KIAA0825: variants seen among roughly 807,000 people sequenced by gnomAD.
The protein encoded by KIAA0825 is uncharacterized protein KIAA0825.
A neutral mutation model predicts 147.6 loss-of-function variants in KIAA0825; 119 were observed. The ratio of observed to expected loss-of-function variants is 0.81; its 90% CI spans 0.69 to 0.94. The LOEUF is 0.94. KIAA0825 is among the 40% of genes least tolerant of loss of function. The pLI is 0.00. For missense variants in KIAA0825, 1,381 were observed against 1,472.7 expected, an observed-to-expected ratio of 0.94 and a Z score of 1.02; for synonymous variants, 470 against 518.1, an observed-to-expected ratio of 0.91 and a Z score of 1.26.
rs1275381177 is a variant in KIAA0825 at position 94,386,316 on chromosome 5, A to G, written c.3545T>C (p.Ile1182Thr). The G allele has an allele frequency of 2.6e-6, 4 of 1,551,566 alleles. No homozygotes were observed. The highest frequency in any genetic ancestry group is 3.5e-6 in the Non-Finnish European group (4 of 1,146,838). ...GTTAAAGGCAGAAGGCTGATCTTCT[A>G]TACTCCTCAAGGTCGTCTTTAAAGG... ...IRPLKTTLRS[I>T]EDQPSAFNPF... Residue 1182 changes from isoleucine to threonine, a missense_variant, in exon 19 of 21, where the codon ATA becomes ACA. Physicochemically the swap from Ile to Thr is moderately conservative, Grantham distance 89. Coordinates refer to ENST00000682413, the MANE Select transcript of KIAA0825 (RefSeq NM_001145678.3).
intron 14 of KIAA0825, among the ~76,000 whole-genome samples, chr5:94,424,810 C>A (rs936367911): frequency 1.3e-5 from 2 of 152,082 alleles, no homozygotes; most frequent in Non-Finnish European, 1.5e-5. Flanking sequence ...GAAGACATTA[C>A]AACTGAGACC....
intron 20 of KIAA0825, among the ~76,000 whole-genome samples, chr5:94,282,229 A>G (rs1777499058): frequency 6.6e-6 from 1 of 152,166 alleles, no homozygotes; most frequent in Non-Finnish European, 1.5e-5. Context: ...TCAACAGGCA[A>G]TGCCTAAGAC....
chr5:94,306,222 T>C (rs1778724141), intron 20 of KIAA0825, among the ~76,000 whole-genome samples: 1 of 151,900 alleles, frequency 6.6e-6, no homozygotes, highest in South Asian at 2.1e-4. Context: ...TCAGAGTTTA[T>C]TTTCTAGAAA....
At chr5:94,266,548 T>G (rs1776745590) in intron 20 of KIAA0825, among the ~76,000 whole-genome samples, 2 of 152,176 alleles carry the variant, frequency 1.3e-5, no homozygotes. Flanking sequence ...AAATATTCCT[T>G]TTTTATCCAA....
rs76586368 is a variant in KIAA0825 at position 94,381,957 on chromosome 5, AT to A, written c.3710+2410del. 2.8e-3 allele frequency among the ~76,000 whole-genome samples: 431 copies of A among 152,190 alleles called. 13 individuals are homozygous for A. The East Asian group carries it at 0.053, about 19-fold the overall frequency. ...AAAGGATTCTTTTCCCTTATCTTCA[AT>A]TTTTTTCATACTTGTATATTTCAGT... On this transcript the variant is annotated intron_variant, in intron 20 of 20. Transcript: ENST00000682413.
chr5:94,538,791 A>T (rs1310123521), intron 2 of KIAA0825, among the ~76,000 whole-genome samples: 3 of 152,216 alleles, frequency 2.0e-5, no homozygotes, highest in Non-Finnish European at 4.4e-5. Flanking sequence ...GTTGATTCAG[A>T]CGCTACATGA....
At chr5:94,531,556 A>G (rs1329881009) in intron 3 of KIAA0825, among the ~76,000 whole-genome samples, 1 of 152,218 alleles carries the variant, frequency 6.6e-6, no homozygotes, top group East Asian at 1.9e-4. Context: ...CCCAGGATGC[A>G]TTCTTAATTC....
At chr5:94,163,798 C>T (rs935927765) in intron 20 of KIAA0825, among the ~76,000 whole-genome samples, 3 of 151,930 alleles carry the variant, frequency 2.0e-5, no homozygotes, top group African/African-American at 2.4e-5. Flanking sequence ...CAGATTATAC[C>T]ATTTCTTAAA....
Position 94,537,014 on chromosome 5 carries a change from A to G in KIAA0825, c.113T>C (p.Ile38Thr), listed in dbSNP as rs766258085. ...EQIFSDIDEKIEQNAASIKHC... is the reference protein window; with the variant it reads ...EQIFSDIDEKTEQNAASIKHC... ...TATTTACCTTGCAGCATTTTGTTCA[A>G]TCTTTTCATCAATGTCACTGAAGAT... Residue 38 changes from isoleucine (I) to threonine (T), a missense_variant, in exon 3 of 21, where the codon ATT (isoleucine) becomes ACT (threonine). Ile to Thr is a moderately conservative substitution (Grantham distance 89). Transcript: ENST00000682413. 6.2e-7 allele frequency: 1 copy of G among 1,603,762 alleles called. No individual in the cohort carries two copies. Among genetic ancestry groups the G allele is most frequent in the Non-Finnish European group, 8.5e-7 (1 of 1,174,264 alleles).
At chr5:94,260,376 CA>C (rs1776433781) in intron 20 of KIAA0825, among the ~76,000 whole-genome samples, 1 of 151,888 alleles carries the variant, frequency 6.6e-6, no homozygotes, top group Non-Finnish European at 1.5e-5. Context: ...GATTGCAGTG[CA>C]AAAAGGAGAA....
intron 20 of KIAA0825, among the ~76,000 whole-genome samples, chr5:94,203,560 A>G (rs1441127446): frequency 6.6e-6 from 1 of 152,200 alleles, no homozygotes; most frequent in Admixed American, 6.5e-5. Context: ...CCAATCTGCA[A>G]TTAAACTGAG....
chr5:94,382,270 A>G (rs964171723), intron 20 of KIAA0825, among the ~76,000 whole-genome samples: 2 of 152,196 alleles, frequency 1.3e-5, no homozygotes, highest in African/African-American at 4.8e-5. Flanking sequence ...TCTATGGTCT[A>G]ATTTTCAAGT....
chr5:94,197,883 T>C (rs544874329), intron 20 of KIAA0825, among the ~76,000 whole-genome samples: 100 of 152,326 alleles, frequency 6.6e-4, no homozygotes, highest in African/African-American at 2.3e-3. Context: ...CATTGTAATA[T>C]AGTTTGAAGT....
chr5:94,184,483 C>T (rs1769942008), intron 20 of KIAA0825, among the ~76,000 whole-genome samples: 1 of 152,156 alleles, frequency 6.6e-6, no homozygotes. Flanking sequence ...ACACATTGAT[C>T]ATTCACACAA....
At chr5:94,444,154 C>T (rs1382516883) in intron 13 of KIAA0825, among the ~76,000 whole-genome samples, 1 of 152,124 alleles carries the variant, frequency 6.6e-6, no homozygotes, top group African/African-American at 2.4e-5. Context: ...CAAATTTGTG[C>T]TTTCTATCGC....
intron 20 of KIAA0825, among the ~76,000 whole-genome samples, chr5:94,225,292 C>A (rs1774062849): frequency 6.6e-6 from 1 of 152,176 alleles, no homozygotes; most frequent in Non-Finnish European, 1.5e-5. Context: ...GAAATGACAT[C>A]TACTTCTAGA....
chr5:94,538,623 T>G (rs987800480), intron 2 of KIAA0825, among the ~76,000 whole-genome samples: 1 of 152,268 alleles, frequency 6.6e-6, no homozygotes, highest in Admixed American at 6.5e-5. Flanking sequence ...TCCACTTTCA[T>G]GCTATTGATT....
chr5:94,447,292 T>C (rs986487979), intron 13 of KIAA0825, among the ~76,000 whole-genome samples: 1 of 152,082 alleles, frequency 6.6e-6, no homozygotes, highest in Non-Finnish European at 1.5e-5. Context: ...TAGAATGTTA[T>C]GATCATCAAG....
chr5:94,610,578 C>A (rs1715734679), intron 1 of KIAA0825, among the ~76,000 whole-genome samples: 1 of 149,780 alleles, frequency 6.7e-6, no homozygotes, highest in African/African-American at 2.4e-5. Context: ...GCCTGGGCAA[C>A]ATGGTGAAAC....
Sources: gnomAD v4.1 joint callset for allele counts (sites outside exome capture counted in the v4.1 genomes callset) on GRCh38, gnomAD v4.1.1 for gene constraint, MANE v1.5 for transcripts, NCBI Gene and HGNC (gene_info 2026-07-23, HGNC 2026-07-21) for gene names.